Variants in CSMD1 observed in about 807,000 individuals in gnomAD.
CSMD1 encodes the protein CUB and Sushi multiple domains 1, also known as CUB and sushi domain-containing protein 1.
A neutral mutation model predicts 417.5 loss-of-function variants in CSMD1; 213 were observed. The ratio of observed to expected loss-of-function variants is 0.51; its 90% CI spans 0.46 to 0.57. CSMD1 has a LOEUF of 0.57. Among genes scored for constraint, CSMD1 ranks in the 20% least tolerant of loss-of-function variants. The pLI is 0.00. For missense variants in CSMD1, 6,923 were observed against 4,529.7 expected (o/e 1.53, Z -15.17); for synonymous variants, 2,862 against 1,736.8 (o/e 1.65, Z -16.11).
At chr8:3,440,714 G>T (rs895573569) in intron 12 of CSMD1, among the ~76,000 whole-genome samples, 1 of 152,054 alleles carries the variant, frequency 6.6e-6, no homozygotes, top group African/African-American at 2.4e-5. Context: ...ATCCTTGGTG[G>T]GTTCTTACTC....
Position 4,955,127 on chromosome 8 carries a change from G to A in CSMD1, c.85+39205C>T, listed in dbSNP as rs76475561. On this transcript the variant is annotated intron_variant, in intron 1 of 69. Transcript: ENST00000635120. ...GAAATGGCTTTAAATGGGACTCTTT[G>A]GCTGCACCTCCAGTTCCCTATATCA... Among the ~76,000 whole-genome samples, 436 of 152,132 alleles carry A rather than the reference G, an allele frequency of 2.9e-3. 1 individual carries two copies. Among genetic ancestry groups the A allele is most frequent in the Middle Eastern group, 0.01 (3 of 292 alleles).
At chr8:3,781,402 G>A (rs1247868408) in intron 5 of CSMD1, among the ~76,000 whole-genome samples, 1 of 152,158 alleles carries the variant, frequency 6.6e-6, no homozygotes, top group Non-Finnish European at 1.5e-5. Flanking sequence ...CTTGTGCTGT[G>A]AGGCCAGGTG....
At chr8:4,644,586 T>C (rs935300819) in intron 1 of CSMD1, among the ~76,000 whole-genome samples, 1 of 152,182 alleles carries the variant, frequency 6.6e-6, no homozygotes, top group African/African-American at 2.4e-5. Context: ...TTTCTATTTT[T>C]AGTAGAGACA....
chr8:4,678,343 G>A (rs1278389518), intron 1 of CSMD1, among the ~76,000 whole-genome samples: 2 of 152,086 alleles, frequency 1.3e-5, no homozygotes, highest in Non-Finnish European at 2.9e-5. Context: ...CCCAAGAGGT[G>A]GAGGTTGCAG....
chr8:4,673,314 C>T (rs1272506402), intron 1 of CSMD1, among the ~76,000 whole-genome samples: 1 of 152,082 alleles, frequency 6.6e-6, no homozygotes, highest in African/African-American at 2.4e-5. Context: ...ATGCAAGACC[C>T]AAAGACTCCA....
At chr8:3,115,782 GAATT>G (rs1400888987) in intron 42 of CSMD1, among the ~76,000 whole-genome samples, 3 of 152,174 alleles carry the variant, frequency 2.0e-5, no homozygotes, top group African/African-American at 7.2e-5. Flanking sequence ...TTGGGATTTA[GAATT>G]ATTTTATTAA....
intron 3 of CSMD1, among the ~76,000 whole-genome samples, chr8:4,165,439 C>T (rs968416483): frequency 1.3e-4 from 20 of 152,190 alleles, no homozygotes; most frequent in African/African-American, 4.1e-4. Context: ...TGGTGTCATG[C>T]TATGTCGCCC....
intron 3 of CSMD1, among the ~76,000 whole-genome samples, chr8:4,198,863 G>A (rs541917716): frequency 4.3e-4 from 65 of 152,052 alleles, no homozygotes; most frequent in African/African-American, 1.3e-3. Context: ...ACAATATCAC[G>A]TATTTCCCCT....
intron 7 of CSMD1, among the ~76,000 whole-genome samples, chr8:3,637,120 T>A (rs537544640): frequency 1.3e-5 from 2 of 152,220 alleles, no homozygotes; most frequent in South Asian, 4.1e-4. Flanking sequence ...TTCCTTCCTT[T>A]ATAAATTATC....
chr8:3,523,395 C>G (rs771511766), intron 10 of CSMD1, among the ~76,000 whole-genome samples: 3 of 152,234 alleles, frequency 2.0e-5, no homozygotes, highest in Non-Finnish European at 4.4e-5. Flanking sequence ...AAAGAAAGCT[C>G]TCAATGAGAG....
At chr8:3,580,310 C>G (rs993939143) in intron 9 of CSMD1, among the ~76,000 whole-genome samples, 1 of 151,984 alleles carries the variant, frequency 6.6e-6, no homozygotes, top group Non-Finnish European at 1.5e-5. Flanking sequence ...AGGGAAAAGG[C>G]CTGCTCTGTA....
rs372097196 is a variant in CSMD1, at chr8:4,811,387, GT to G, written c.86-173830del. 3.7e-3 allele frequency among the ~76,000 whole-genome samples: 559 copies of G among 151,842 alleles called. 2 individuals carry two copies. Among genetic ancestry groups the G allele is most frequent in the African/African-American group, 9.2e-3 (380 of 41,390 alleles). ...CCTGTATTTTTAACCATTAAAATTA[GT>G]TTTTTTTAAGTAATGTATTATGTTG... On this transcript the variant is annotated intron_variant, in intron 1 of 69. Transcript: ENST00000635120.
intron 1 of CSMD1, among the ~76,000 whole-genome samples, chr8:4,800,776 C>T (rs1585120901): frequency 6.6e-6 from 1 of 152,270 alleles, no homozygotes; most frequent in East Asian, 1.9e-4. Context: ...GGTGAGACAC[C>T]ACCTAGGAGG....
Position 3,586,264 on chromosome 8 carries a change from A to G in CSMD1, c.1098-4T>C, listed in dbSNP as rs117264731. The G allele has an allele frequency of 3.1e-3, 4,737 of 1,539,808 alleles. 11 individuals carry two copies. The highest frequency in any genetic ancestry group is 0.011 in the Middle Eastern group (65 of 5,776). On this transcript the variant is annotated splice_polypyrimidine_tract_variant and splice_region_variant and intron_variant, in intron 8 of 69. Transcript: ENST00000635120. ...AAACTGTACATTTGCACCAACCCTAAGCCGTTAAAAAAGAAAAAAAAAAAC... is the reference window on the plus strand; with the variant it reads ...AAACTGTACATTTGCACCAACCCTAGGCCGTTAAAAAAGAAAAAAAAAAAC...
Position 3,468,776 on chromosome 8 carries a change from C to T in CSMD1, c.1497G>A (p.Gln499=), listed in dbSNP as rs374216911. Residue 499 remains glutamine (Q), a synonymous_variant, in exon 12 of 70, where the codon CAG becomes CAA. Transcript: ENST00000635120. The part of the protein sequence containing the change: ...VPDLIVSMSN[Q]MWLHLQSDDS... Reference sequence around the variant, plus strand: ...CATCCGACTGCAGATGTAGCCACATCTGGTTGCTCATGCTCACAATGAGGT... The same window carrying T: ...CATCCGACTGCAGATGTAGCCACATTTGGTTGCTCATGCTCACAATGAGGT... 1 of 1,606,460 alleles carries T rather than the reference C, an allele frequency of 6.2e-7. No individual in the cohort carries two copies.
chr8:4,251,215 T>C (rs1803045711), intron 3 of CSMD1, among the ~76,000 whole-genome samples: 1 of 152,138 alleles, frequency 6.6e-6, no homozygotes, highest in Non-Finnish European at 1.5e-5. Flanking sequence ...AAATAAAACC[T>C]ATAACAGCTA....
intron 1 of CSMD1, among the ~76,000 whole-genome samples, chr8:4,966,082 G>A (rs1486918406): frequency 1.3e-5 from 2 of 151,952 alleles, no homozygotes; most frequent in African/African-American, 4.8e-5. Flanking sequence ...AAGAGTTCCA[G>A]GCCGGGTGTG....
At chr8:4,869,963 T>C (rs893861969) in intron 1 of CSMD1, among the ~76,000 whole-genome samples, 6 of 152,098 alleles carry the variant, frequency 3.9e-5, no homozygotes, top group African/African-American at 1.4e-4. Flanking sequence ...TTATAATTGG[T>C]TAAGGTGACA....
chr8:4,612,889 T>C (rs1192954161), intron 2 of CSMD1, among the ~76,000 whole-genome samples: 1 of 152,200 alleles, frequency 6.6e-6, no homozygotes, highest in Non-Finnish European at 1.5e-5. Flanking sequence ...TACTTTCTTA[T>C]GCTTTCCTGA....
Sources: gnomAD v4.1 joint callset for allele counts (sites outside exome capture counted in the v4.1 genomes callset) on GRCh38, gnomAD v4.1.1 for gene constraint, MANE v1.5 for transcripts, NCBI Gene and HGNC (gene_info 2026-07-23, HGNC 2026-07-21) for gene names.